Variants in COLEC10 observed in about 807,000 individuals in gnomAD.
COLEC10 encodes collectin-10.
COLEC10 carries 22 observed loss-of-function variants against 28.4 expected under a neutral mutation model. The observed-to-expected ratio is 0.78, with a 90% CI of 0.55 to 1.11. The LOEUF is 1.11. Among genes scored for constraint, COLEC10 ranks in the 50% least tolerant of loss-of-function variants. COLEC10 has a pLI of 0.00. For synonymous variants in COLEC10, 125 were observed against 116.1 expected (o/e 1.08, Z -0.49); for missense variants, 361 against 344.1 (o/e 1.05, Z -0.39).
the COLEC10 span, among the ~76,000 whole-genome samples, chr8:118,956,190 C>A: frequency 5.3e-5 from 8 of 152,116 alleles, no homozygotes; most frequent in African/African-American, 1.9e-4. Context: ...TAAGACTCCA[C>A]CTGCATGACC....
chr8:119,105,928 G>T lies in COLEC10; in HGVS notation c.571G>T (p.Ala191Ser). Residue 191 changes from alanine (A) to serine (S), a missense_variant, in exon 6 of 6, where the codon GCC (alanine) becomes TCC (serine). Around this residue, in one of 3 missense-constraint regions of COLEC10, gnomAD observed 335 missense variants for 308.5 expected, o/e 1.09. Coordinates refer to ENST00000332843, the MANE Select transcript of COLEC10 (RefSeq NM_006438.5). ...GCTAGCCATGCCCAAGGATGAAGCT[G>T]CCAACACACTCATCGCTGACTATGT... ...GMLAMPKDEA[A>S]NTLIADYVAK... 2 of 1,613,876 alleles carry T rather than the reference G, an allele frequency of 1.2e-6. No homozygotes were observed. The highest frequency in any genetic ancestry group is 1.7e-6 in the Non-Finnish European group (2 of 1,179,880).
At chr8:119,057,548 A>G (rs781118206) in intron 2 of COLEC10, among the ~76,000 whole-genome samples, 2 of 152,070 alleles carry the variant, frequency 1.3e-5, no homozygotes, top group South Asian at 4.1e-4. Flanking sequence ...AATGACAACT[A>G]CTATTGTACT....
chr8:119,067,526 C>G (rs1814995625), intron 1 of COLEC10, 97 bp downstream of exon 1: 3 of 1,143,910 alleles, frequency 2.6e-6, no homozygotes, highest in Non-Finnish European at 3.7e-6. Context: ...TCTCTTCTCT[C>G]CTCCCTAGTT....
chr8:119,088,261 GAAA>G (rs1158953179), intron 1 of COLEC10, among the ~76,000 whole-genome samples: 1 of 151,680 alleles, frequency 6.6e-6, no homozygotes, highest in East Asian at 1.9e-4. Context: ...GAAAGAAGAA[GAAA>G]AAAATTTCAT....
At chr8:119,064,593 G>A (rs923615762), upstream of COLEC10, among the ~76,000 whole-genome samples, 2 of 152,078 alleles carry the variant, frequency 1.3e-5, no homozygotes, top group Non-Finnish European at 2.9e-5. Flanking sequence ...TCACATATCT[G>A]GCTATGACAC....
chr8:119,106,247 T>C lies in COLEC10; in HGVS notation c.*56T>C. On this transcript the variant is annotated 3_prime_UTR_variant, in exon 6 of 6. Transcript: ENST00000332843. Reference sequence around the variant, plus strand: ...CTGTGACCGTCATTACAGTTATTGTTATCCATCCTTTTTTTCCTGATTGTA... The same window carrying C: ...CTGTGACCGTCATTACAGTTATTGTCATCCATCCTTTTTTTCCTGATTGTA... 6.6e-7 allele frequency: 1 copy of C among 1,518,918 alleles called. No individual in the cohort carries two copies. Among genetic ancestry groups the C allele is most frequent in the Non-Finnish European group, 8.9e-7 (1 of 1,124,314 alleles). The allele number at this position is 1,518,918 out of a possible 1,614,324, so 94.1% of individuals were successfully genotyped here. A position where few individuals can be genotyped will look rare whatever the true frequency, so the allele number is the denominator to read the frequency against.
At chr8:119,008,416 C>T (rs1229921565) in intron 1 of COLEC10, among the ~76,000 whole-genome samples, 1 of 150,648 alleles carries the variant, frequency 6.6e-6, no homozygotes, top group Non-Finnish European at 1.5e-5. Context: ...AAATGTGATA[C>T]TATAGAGCCA....
chr8:119,082,567 G>A (rs944515706), intron 1 of COLEC10, among the ~76,000 whole-genome samples: 9 of 152,256 alleles, frequency 5.9e-5, no homozygotes, highest in Middle Eastern at 3.4e-3. Context: ...TTCCCTCCAG[G>A]GAGTTAGTTT....
intron 2 of COLEC10, 138 bp from the exon 3 acceptor site, chr8:119,091,011 T>C (rs906526209): frequency 1.9e-5 from 13 of 698,118 alleles, no homozygotes; most frequent in Non-Finnish European, 3.0e-5. Flanking sequence ...AACTAGACAA[T>C]ATAGCATGGG....
rs982115565 is a variant in COLEC10 at position 119,012,451 on chromosome 8, G to C, written n.235+2898G>C. Among the ~76,000 whole-genome samples, 7 of 150,456 alleles carry C rather than the reference G, an allele frequency of 4.7e-5. 1 individual carries two copies. The highest frequency in any genetic ancestry group is 5.0e-5 in the African/African-American group (2 of 40,282). ...TTTTTTTCTTGTAAGGTCTTGGTCT[G>C]GTTTTAGTGTTAGGGTAATGCTAGC... On this transcript the variant is annotated intron_variant and non_coding_transcript_variant, in intron 2 of 6. Transcript: ENST00000521788.
Position 119,103,809 on chromosome 8 carries a change from G to A in COLEC10, c.356G>A (p.Cys119Tyr), listed in dbSNP as rs1815886423. The change falls in exon 5 of 6, where the codon TGT (cysteine) becomes TAT (tyrosine). Residue 119 changes from cysteine (C) to tyrosine (Y), a missense_variant. Cys to Tyr is a radical substitution (Grantham distance 194). Transcript: ENST00000332843. ...TTTTGTCATTTAAAAGGTACTGTCTGTGATTGTGGAAGATACCGGAAATTT... is the reference window on the plus strand; with the variant it reads ...TTTTGTCATTTAAAAGGTACTGTCTATGATTGTGGAAGATACCGGAAATTT... ...PGEKGKAGTV[C>Y]DCGRYRKFVG... 19 of 1,608,280 alleles carry A rather than the reference G, an allele frequency of 1.2e-5. No individual in the cohort carries two copies. In the East Asian group the frequency reaches 4.2e-4, roughly 36 times the overall value.
chr8:119,003,732 C>G (rs1048604030), intron 1 of COLEC10, among the ~76,000 whole-genome samples: 1 of 151,998 alleles, frequency 6.6e-6, no homozygotes, highest in Non-Finnish European at 1.5e-5. Flanking sequence ...ACCGCTTAAC[C>G]CATAACCTTA....
Position 119,069,625 on chromosome 8 carries a change from AAAAAATATATATATAT to A in COLEC10, c.148+2198_148+2213del, listed in dbSNP as rs1336695053. Among the ~76,000 whole-genome samples, 4 of 50,320 alleles carry A rather than the reference AAAAAATATATATATAT, an allele frequency of 7.9e-5. No individual in the cohort carries two copies. In the South Asian group the frequency reaches 2.8e-3, roughly 35 times the overall value. 33.0% of individuals were successfully genotyped at this position (50,320 alleles called of 152,430 possible). On this transcript the variant is annotated intron_variant, in intron 1 of 5. Coordinates refer to ENST00000332843, the MANE Select transcript of COLEC10 (RefSeq NM_006438.5). ...CATCTCAAAAAAAAAAAAAAAAAAAAAAAAATATATATATATATATATATATATATATATATGTAAA... is the reference window on the plus strand; with the variant it reads ...CATCTCAAAAAAAAAAAAAAAAAAAAATATATATATATATATATATGTAAA...
intron 2 of COLEC10, among the ~76,000 whole-genome samples, chr8:119,035,673 C>T (rs997466602): frequency 6.6e-6 from 1 of 152,184 alleles, no homozygotes; most frequent in Non-Finnish European, 1.5e-5. Context: ...GAGTGGCCTT[C>T]CTTTAAACTC....
At chr8:119,053,908 T>C (rs922176301) in intron 2 of COLEC10, among the ~76,000 whole-genome samples, 6 of 152,052 alleles carry the variant, frequency 3.9e-5, no homozygotes, top group African/African-American at 1.4e-4. Flanking sequence ...TATACATACA[T>C]AGCTATGATA....
chr8:119,017,417 C>T (rs1233975852), intron 2 of COLEC10, among the ~76,000 whole-genome samples: 1 of 152,048 alleles, frequency 6.6e-6, no homozygotes, highest in African/African-American at 2.4e-5. Context: ...TTTTAGAGAG[C>T]CAGATAGTAA....
chr8:119,061,034 G>A (rs1472197506), intron 2 of COLEC10, among the ~76,000 whole-genome samples: 1 of 151,916 alleles, frequency 6.6e-6, no homozygotes, highest in Admixed American at 6.6e-5. Context: ...AAGCTATAAA[G>A]GAAGAAAAAT....
In COLEC10 at chr8:119,105,800, T is replaced by C. The variant is rs1319522968; in HGVS notation, c.443T>C (p.Val148Ala). 6.2e-7 allele frequency: 1 copy of C among 1,607,504 alleles called. No homozygotes were observed. Among genetic ancestry groups the C allele is most frequent in the South Asian group, 1.1e-5 (1 of 90,850 alleles). The change falls in exon 6 of 6, where the codon GTG (valine) becomes GCG (alanine). Residue 148 changes from valine to alanine, a missense_variant and splice_region_variant. Val to Ala is a moderately conservative substitution (Grantham distance 64, BLOSUM62 0). Transcript: ENST00000332843. ...GATACTCCTTTTTCTCTCCCTGCAG[T>C]GATAGCAGGGATTAGGGAAACTGAA... ...LKTSMKFVKN[V>A]IAGIRETEEK...
the COLEC10 span, among the ~76,000 whole-genome samples, chr8:118,966,297 A>T: frequency 1.3e-5 from 2 of 152,200 alleles, no homozygotes; most frequent in Non-Finnish European, 2.9e-5. Context: ...AACTATATAC[A>T]AACCAGACAT....
Sources: allele counts gnomAD v4.1 joint callset (sites outside exome capture counted in the v4.1 genomes callset), GRCh38; gene constraint gnomAD v4.1.1; regional missense constraint gnomAD v4.1.1; transcripts MANE v1.5; gene names NCBI Gene and HGNC (gene_info 2026-07-23, HGNC 2026-07-21).